The following PTPRM variants were observed in gnomAD, a reference collection of about 807,000 sequenced individuals.
PTPRM encodes receptor-type tyrosine-protein phosphatase mu.
Under a neutral mutation model 186.7 loss-of-function variants are expected in PTPRM, and 47 were observed. The ratio of observed to expected loss-of-function variants is 0.25; its 90% confidence interval spans 0.20 to 0.32. The LOEUF (loss-of-function observed/expected upper bound fraction) is 0.32, where lower values mean the gene tolerates loss of function less well. Ranked by LOEUF, PTPRM falls within the 10% of genes least tolerant of loss-of-function variation. The probability of loss-of-function intolerance (pLI) is 1.00; values close to 1 mark genes in which losing one functional copy is unlikely to be tolerated. For missense variants in PTPRM, 1,494 were observed against 1,865.0 expected, an observed-to-expected ratio of 0.80 and a Z score of 3.66; for synonymous variants, 668 against 674.9, an observed-to-expected ratio of 0.99 and a Z score of 0.16.
chr18:8,188,353 C>G (rs2093668688), intron 14 of PTPRM, among the ~76,000 whole-genome samples: 1 of 152,218 alleles, frequency 6.6e-6, no homozygotes, highest in Admixed American at 6.5e-5. Context: ...CTGCATTCTG[C>G]AGTACTGAAC....
intron 5 of PTPRM, among the ~76,000 whole-genome samples, chr18:7,943,644 G>T (rs2052337910): frequency 6.6e-6 from 1 of 152,082 alleles, no homozygotes; most frequent in Non-Finnish European, 1.5e-5. Context: ...AAAAGCTCTG[G>T]GAAGAATCTG....
intron 13 of PTPRM, among the ~76,000 whole-genome samples, chr18:8,138,308 C>T (rs1165742137): frequency 6.6e-6 from 1 of 151,932 alleles, no homozygotes; most frequent in African/African-American, 2.4e-5. Context: ...AGCCCCACTT[C>T]CCACCCTCAC....
At chr18:7,854,970 C>T (rs1333344689) in intron 2 of PTPRM, among the ~76,000 whole-genome samples, 1 of 151,968 alleles carries the variant, frequency 6.6e-6, no homozygotes, top group African/African-American at 2.4e-5. Context: ...CATCTCCTAC[C>T]CTCAGAAATG....
intron 2 of PTPRM, among the ~76,000 whole-genome samples, chr18:7,794,120 A>C (rs1243202161): frequency 1.3e-5 from 2 of 152,052 alleles, no homozygotes; most frequent in Non-Finnish European, 2.9e-5. Flanking sequence ...AAAACCTCGC[A>C]CTCATTCTCC....
intron 24 of PTPRM, among the ~76,000 whole-genome samples, chr18:8,375,442 T>TA (rs1378975007): frequency 6.6e-6 from 1 of 151,982 alleles, no homozygotes; most frequent in Non-Finnish European, 1.5e-5. Context: ...TTACCCACAT[T>TA]AAAAAGAGAA....
intron 22 of PTPRM, among the ~76,000 whole-genome samples, chr18:8,330,536 C>A (rs898584930): frequency 3.3e-5 from 5 of 152,148 alleles, no homozygotes; most frequent in Admixed American, 2.6e-4. Context: ...GCTTTTATTT[C>A]TCTGGCAGTA....
intron 7 of PTPRM, among the ~76,000 whole-genome samples, chr18:8,063,302 C>A (rs546890142): frequency 1.4e-4 from 21 of 150,840 alleles, no homozygotes; most frequent in African/African-American, 4.2e-4. Context: ...GGCAATGCCT[C>A]GCCCTGCTTC....
At chr18:8,339,269 G>A (rs2095459513) in intron 22 of PTPRM, among the ~76,000 whole-genome samples, 1 of 151,882 alleles carries the variant, frequency 6.6e-6, no homozygotes, top group Non-Finnish European at 1.5e-5. Flanking sequence ...CTCAGTAGAG[G>A]TCTCTGTGTG....
chr18:8,385,611 A>G (rs1378632545), intron 30 of PTPRM, among the ~76,000 whole-genome samples: 3 of 152,254 alleles, frequency 2.0e-5, no homozygotes, highest in Non-Finnish European at 4.4e-5. Flanking sequence ...CTCAGTGAGC[A>G]GAGGCAAGAG....
chr18:8,258,171 AG>A (rs2147456470), intron 19 of PTPRM, among the ~76,000 whole-genome samples: 2 of 152,330 alleles, frequency 1.3e-5, no homozygotes, highest in South Asian at 2.1e-4. Context: ...AAGAGCAGAA[AG>A]GGCAAGTTTG....
At chr18:8,189,192 G>T (rs1490081195) in intron 14 of PTPRM, among the ~76,000 whole-genome samples, 1 of 151,202 alleles carries the variant, frequency 6.6e-6, no homozygotes, top group African/African-American at 2.4e-5. Flanking sequence ...AGCTACTCAG[G>T]AGGCTGAGGC....
chr18:8,055,724 G>T (rs1465111974), intron 7 of PTPRM, among the ~76,000 whole-genome samples: 1 of 152,164 alleles, frequency 6.6e-6, no homozygotes, highest in South Asian at 2.1e-4. Context: ...GGCTTTATTT[G>T]TGAAAGTAGG....
At chr18:7,854,650 A>G (rs2047008912) in intron 2 of PTPRM, among the ~76,000 whole-genome samples, 2 of 152,034 alleles carry the variant, frequency 1.3e-5, no homozygotes, top group African/African-American at 4.8e-5. Context: ...TTAGCAGTTG[A>G]TCACCTCTGA....
At chr18:8,131,647 G>A (rs1405905933) in intron 13 of PTPRM, among the ~76,000 whole-genome samples, 2 of 152,128 alleles carry the variant, frequency 1.3e-5, no homozygotes, top group African/African-American at 4.8e-5. Context: ...AGCATGAGGG[G>A]ATGCACTTTA....
At chr18:7,586,553 G>A (rs981160770) in intron 1 of PTPRM, among the ~76,000 whole-genome samples, 2 of 152,166 alleles carry the variant, frequency 1.3e-5, no homozygotes, top group Admixed American at 1.3e-4. Flanking sequence ...CCTTGCCAGT[G>A]AAATGGCTTT....
chr18:7,598,132 AAC>A (rs768261248), intron 1 of PTPRM, among the ~76,000 whole-genome samples: 10 of 152,246 alleles, frequency 6.6e-5, no homozygotes, highest in Non-Finnish European at 1.5e-4. Context: ...TTAAAACTAC[AAC>A]AAAGTAAAAT....
intron 19 of PTPRM, among the ~76,000 whole-genome samples, chr18:8,276,495 G>T (rs1255647872): frequency 6.6e-6 from 1 of 152,180 alleles, no homozygotes; most frequent in Non-Finnish European, 1.5e-5. Context: ...GGTGGGAAGA[G>T]AAATCAATAT....
chr18:8,155,498 C>T (rs1445078770), intron 14 of PTPRM, among the ~76,000 whole-genome samples: 2 of 152,170 alleles, frequency 1.3e-5, no homozygotes, highest in African/African-American at 4.8e-5. Context: ...TATTTTAATT[C>T]TGAAACACTA....
chr18:8,089,205 T>C (rs755143377), intron 11 of PTPRM, among the ~76,000 whole-genome samples: 2 of 152,216 alleles, frequency 1.3e-5, no homozygotes, highest in African/African-American at 2.4e-5. Context: ...GTTCTTTGAA[T>C]GGATGTTTCG....
Sources: allele counts gnomAD v4.1 joint callset (sites outside exome capture counted in the v4.1 genomes callset), GRCh38; gene constraint gnomAD v4.1.1; transcripts MANE v1.5; gene names NCBI Gene and HGNC (gene_info 2026-07-23, HGNC 2026-07-21).